The following C22orf31 variants were observed in gnomAD, a reference collection of about 807,000 sequenced individuals.
C22orf31 encodes chromosome 22 open reading frame 31, also known as uncharacterized protein C22orf31.
A neutral mutation model predicts 15.0 loss-of-function variants in C22orf31; 11 were observed. The observed-to-expected ratio is 0.73, with a 90% CI of 0.46 to 1.21. The LOEUF is 1.21. Ranked by LOEUF, C22orf31 falls within the 50% of genes most tolerant of loss-of-function variation. The pLI is 0.00. For missense variants in C22orf31, 340 were observed against 347.2 expected, an observed-to-expected ratio of 0.98 and a Z score of 0.17; for synonymous variants, 132 against 133.3, an observed-to-expected ratio of 0.99 and a Z score of 0.07.
At chr22:29,072,323 G>T in the C22orf31 span, among the ~76,000 whole-genome samples, 1 of 151,900 alleles carries the variant, frequency 6.6e-6, no homozygotes, top group Non-Finnish European at 1.5e-5. Flanking sequence ...ATGGGGTCTC[G>T]CTGTGTTGCC....
At chr22:29,059,485 C>T (rs1271022521) in intron 2 of C22orf31, among the ~76,000 whole-genome samples, 1 of 152,186 alleles carries the variant, frequency 6.6e-6, no homozygotes. Context: ...AATTATTTAC[C>T]CTCTGCCAGG....
At chr22:29,061,204 T>C (rs1420950584) in intron 1 of C22orf31, among the ~76,000 whole-genome samples, 2 of 152,120 alleles carry the variant, frequency 1.3e-5, no homozygotes, top group African/African-American at 2.4e-5. Context: ...CACTCAACCA[T>C]GCTGCAACAC....
intron 2 of C22orf31, 43 bp from the exon 3 acceptor site, chr22:29,059,225 A>C: frequency 7.2e-7 from 1 of 1,385,466 alleles, no homozygotes; most frequent in African/African-American, 1.4e-5. Flanking sequence ...AAAACTTGAG[A>C]GGGGAGCTCA....
upstream of C22orf31, among the ~76,000 whole-genome samples, chr22:29,065,540 G>A (rs777338341): frequency 7.9e-5 from 12 of 152,196 alleles, no homozygotes; most frequent in Non-Finnish European, 1.8e-4. Flanking sequence ...TTATATATTT[G>A]TCAGATCGAT....
At chr22:29,071,645 C>G in the C22orf31 span, among the ~76,000 whole-genome samples, 1 of 152,156 alleles carries the variant, frequency 6.6e-6, no homozygotes, top group African/African-American at 2.4e-5. Flanking sequence ...CCCCGCCGGG[C>G]GTCACCGCTG....
rs535555409 is a variant in C22orf31 at position 29,060,565 on chromosome 22, G to T, written c.282C>A (p.Cys94Ter). 3 of 1,614,018 alleles carry T rather than the reference G, an allele frequency of 1.9e-6. No homozygotes were observed. Residue 94 changes from cysteine to a stop codon, truncating the protein, a stop_gained, in exon 2 of 3, where the codon TGC (cysteine) becomes TGA (stop). Transcript: ENST00000216071. LOFTEE classifies it high-confidence loss of function. ...QLKNKCCPPP[C>*]KFGEGKLSKR... ...TCGAGAGTTTTCCTTCTCCAAACTT[G>T]CATGGTGGTGGGCAGCACTTATTCT...
At chr22:29,069,592 T>A in the C22orf31 span, among the ~76,000 whole-genome samples, 2 of 152,134 alleles carry the variant, frequency 1.3e-5, no homozygotes, top group Non-Finnish European at 2.9e-5. Flanking sequence ...AGCACTGAAA[T>A]GAGTATCCCG....
chr22:29,060,544 G>A lies in C22orf31; in HGVS notation c.303C>T (p.Leu101=), dbSNP rs2037379455. ...CGTCCTTGTGCTTTAATCTCTTCGA[G>A]AGTTTTCCTTCTCCAAACTTGCATG... The part of the protein sequence containing the change: ...PPPCKFGEGK[L]SKRLKHKDDS... Residue 101 remains leucine, a synonymous_variant, in exon 2 of 3, where the codon CTC becomes CTT. Coordinates refer to ENST00000216071, the MANE Select transcript of C22orf31 (RefSeq NM_015370.2). 6.2e-7 allele frequency: 1 copy of A among 1,614,118 alleles called. No individual in the cohort carries two copies. Among genetic ancestry groups the A allele is most frequent in the East Asian group, 2.2e-5 (1 of 44,884 alleles).
At chr22:29,073,135 C>A in the C22orf31 span, 2 of 1,073,200 alleles carry the variant, frequency 1.9e-6, no homozygotes, top group South Asian at 3.9e-5. This position sits in a 1 kb window ranked among gnomAD's most constrained non-coding sequence, Gnocchi z 4.4. Context: ...CGGCCCATGG[C>A]GCCGCCAGCC....
At position 29,059,760 on chromosome 22, in the gene C22orf31, T is replaced by TTGTG. The variant is rs111812934; in HGVS notation, c.433-582_433-579dup. The TTGTG allele has an allele frequency of 6.8e-4, 651 of 951,080 alleles. No homozygotes were observed. In the African/African-American group the frequency reaches 9.6e-3, roughly 14 times the overall value. 58.9% of individuals were successfully genotyped at this position (951,080 alleles called of 1,614,324 possible). ...ATCCAGATCCATAGCTGACCACTGG[T>TTGTG]TGTGTGTGTGTGTGTGTGTGTGCAC... On this transcript the variant is annotated intron_variant, in intron 2 of 2. Transcript: ENST00000216071.
the C22orf31 span, among the ~76,000 whole-genome samples, chr22:29,069,943 CTTTT>C: frequency 2.7e-4 from 26 of 96,520 alleles, no homozygotes; most frequent in African/African-American, 3.5e-4. Context: ...TCTTGAAATT[CTTTT>C]TTTTTTTTTT....
At chr22:29,069,348 G>C in the C22orf31 span, among the ~76,000 whole-genome samples, 11 of 152,238 alleles carry the variant, frequency 7.2e-5, no homozygotes, top group Admixed American at 7.2e-4. Flanking sequence ...ACTGCCCTTT[G>C]AGCAGAAATC....
At chr22:29,066,625 A>G (rs937431696), upstream of C22orf31, among the ~76,000 whole-genome samples, 1 of 128,068 alleles carries the variant, frequency 7.8e-6, no homozygotes, top group African/African-American at 3.0e-5. Context: ...CAGTGGCACG[A>G]TCTTGGCTCA....
chr22:29,072,845 C>T, the C22orf31 span, among the ~76,000 whole-genome samples: 1 of 152,066 alleles, frequency 6.6e-6, no homozygotes. Flanking sequence ...CCAGGTGAGG[C>T]GAGAGATGGG....
At chr22:29,073,245 C>T in the C22orf31 span, 1 of 1,086,342 alleles carries the variant, frequency 9.2e-7, no homozygotes, top group African/African-American at 1.7e-5. The surrounding 1 kb of genome is among the most constrained non-coding windows in gnomAD (Gnocchi z 4.4). Flanking sequence ...TGAGCGACCC[C>T]CCGCCGCCCG....
At chr22:29,071,173 T>A in the C22orf31 span, among the ~76,000 whole-genome samples, 1 of 151,176 alleles carries the variant, frequency 6.6e-6, no homozygotes, top group Non-Finnish European at 1.5e-5. Context: ...GGGGGGGCGG[T>A]CCCCAGGACC....
At chr22:29,059,206 G>T (rs2037355444) in intron 2 of C22orf31, 24 bp from the exon 3 acceptor site, 5 of 1,542,636 alleles carry the variant, frequency 3.2e-6, no homozygotes, top group Non-Finnish European at 4.4e-6. Flanking sequence ...AAGCAGAGAA[G>T]TCAAAGCTAA....
the C22orf31 span, chr22:29,073,204 G>A: frequency 2.5e-6 from 3 of 1,185,120 alleles, no homozygotes; most frequent in South Asian, 3.9e-5. This position sits in a 1 kb window ranked among gnomAD's most constrained non-coding sequence, Gnocchi z 4.4. Flanking sequence ...CCCGCGCCTA[G>A]CCCCGGCCTC....
chr22:29,059,818 C>T (rs952847075), intron 2 of C22orf31: 1 of 985,158 alleles, frequency 1.0e-6, no homozygotes, highest in Non-Finnish European at 1.2e-6. Flanking sequence ...AGCCTTCCTT[C>T]TCACCCTTAT....
Sources: allele counts gnomAD v4.1 joint callset (sites outside exome capture counted in the v4.1 genomes callset), GRCh38; gene constraint gnomAD v4.1.1; non-coding constraint Gnocchi (gnomAD v3.1); transcripts MANE v1.5; gene names NCBI Gene and HGNC (gene_info 2026-07-23, HGNC 2026-07-21).